The following TAF1B variants were observed in gnomAD, a reference collection of about 807,000 sequenced individuals.
TAF1B encodes TATA-box binding protein associated factor, RNA polymerase I subunit B.
Under a neutral mutation model 83.9 loss-of-function variants are expected in TAF1B, and 61 were observed. That is an observed-to-expected ratio of 0.73 (90% confidence interval 0.59 to 0.90). The LOEUF (loss-of-function observed/expected upper bound fraction) is 0.90, where lower values mean the gene tolerates loss of function less well. Ranked by LOEUF, TAF1B falls within the 40% of genes least tolerant of loss-of-function variation. TAF1B has a pLI of 0.00. For synonymous variants in TAF1B, 221 were observed against 224.6 expected (o/e 0.98, Z 0.14); for missense variants, 625 against 677.0 (o/e 0.92, Z 0.85).
chr2:9,921,186 G>C (rs1665867610), intron 14 of TAF1B, among the ~76,000 whole-genome samples: 1 of 152,138 alleles, frequency 6.6e-6, no homozygotes, highest in Non-Finnish European at 1.5e-5. Flanking sequence ...CAACTTCCTA[G>C]GCTCAAGCAA....
chr2:9,865,156 G>T (rs533808300), intron 5 of TAF1B, among the ~76,000 whole-genome samples: 1 of 152,278 alleles, frequency 6.6e-6, no homozygotes, highest in African/African-American at 2.4e-5. Context: ...AATTGTCCCT[G>T]TTTGCAGATG....
intron 5 of TAF1B, among the ~76,000 whole-genome samples, chr2:9,864,821 A>G (rs1056864116): frequency 1.4e-4 from 21 of 152,196 alleles, no homozygotes; most frequent in Non-Finnish European, 3.1e-4. Context: ...GCATATAAAC[A>G]GAACCAAAGA....
At chr2:9,846,292 A>G (rs1663205733) in intron 2 of TAF1B, 2 of 364,396 alleles carry the variant, frequency 5.5e-6, no homozygotes, top group East Asian at 7.3e-5. Context: ...CTACCTTCAC[A>G]TTGTGAGTGC....
chr2:9,926,329 G>A (rs981886981), intron 14 of TAF1B, among the ~76,000 whole-genome samples: 1 of 152,124 alleles, frequency 6.6e-6, no homozygotes, highest in African/African-American at 2.4e-5. Context: ...TATATTGCAA[G>A]TGGTTGACAT....
chr2:9,916,446 C>T lies in TAF1B; in HGVS notation c.1272-2595C>T, dbSNP rs190458737. The stretch of plus-strand genomic sequence containing the variant: ...CTTTCCCATTCTTGGGGCATATCAC[C>T]CCAAGGGCATCATAATGCTTTCTTG... On this transcript the variant is annotated intron_variant, in intron 12 of 14. Transcript: ENST00000263663. 2.6e-4 allele frequency among the ~76,000 whole-genome samples: 40 copies of T among 152,156 alleles called. 1 individual carries two copies. Among genetic ancestry groups the T allele is most frequent in the African/African-American group, 9.2e-4 (38 of 41,514 alleles).
chr2:9,882,807 T>A lies in TAF1B; in HGVS notation c.807+2T>A, dbSNP rs1405099274. ...GACAGAGGAATCTTTGGTATAGAGG[T>A]AAGTTATTTTCTTTTTTACTTTCTA... On this transcript the variant is annotated splice_donor_variant, in intron 8 of 14. Transcript: ENST00000263663. LOFTEE classifies it high-confidence loss of function. The A allele has an allele frequency of 6.3e-7, 1 of 1,585,500 alleles. No homozygotes were observed. Among genetic ancestry groups the A allele is most frequent in the Non-Finnish European group, 8.6e-7 (1 of 1,165,654 alleles).
chr2:9,903,795 CTGAT>C (rs1259153893), intron 8 of TAF1B, among the ~76,000 whole-genome samples: 2 of 152,138 alleles, frequency 1.3e-5, no homozygotes, highest in Non-Finnish European at 2.9e-5. Flanking sequence ...CATTATAACT[CTGAT>C]TGGGTTGTAG....
chr2:9,856,664 C>T (rs1162859574), intron 5 of TAF1B, among the ~76,000 whole-genome samples: 1 of 152,020 alleles, frequency 6.6e-6, no homozygotes, highest in Non-Finnish European at 1.5e-5. Flanking sequence ...ACCTGGGATT[C>T]TCTGACATTT....
At chr2:9,916,653 A>C (rs1032308538) in intron 12 of TAF1B, among the ~76,000 whole-genome samples, 1 of 152,190 alleles carries the variant, frequency 6.6e-6, no homozygotes, top group African/African-American at 2.4e-5. Context: ...ATGGCAAAAA[A>C]ATATATTTTA....
intron 9 of TAF1B, among the ~76,000 whole-genome samples, chr2:9,907,543 C>G (rs1367387): frequency 0.44 from 66,748 of 151,792 alleles, 16,736 homozygotes; most frequent in Non-Finnish European, 0.58. Flanking sequence ...TCGGGGAAAG[C>G]TTTCGGCAAG....
chr2:9,919,240 C>T (rs1410176248), intron 13 of TAF1B, 129 bp downstream of exon 13: 1 of 719,948 alleles, frequency 1.4e-6, no homozygotes, highest in South Asian at 1.8e-5. Flanking sequence ...GGCACATGTA[C>T]ATCCAAAGGA....
rs448327 is a variant in TAF1B, at chr2:9,905,018, A to G, written c.955+12A>G. On this transcript the variant is annotated intron_variant, in intron 9 of 14. Transcript: ENST00000263663. ...AGTCAACCTCCCTGGTAAGTGTGTGACATATATTGTGGGGACACTTTAACT... is the reference window on the plus strand; with the variant it reads ...AGTCAACCTCCCTGGTAAGTGTGTGGCATATATTGTGGGGACACTTTAACT... 0.99 allele frequency: 1,591,624 copies of G among 1,608,754 alleles called. 788,646 individuals carry two copies. The highest frequency in any genetic ancestry group is 1 in the East Asian group (44,808 of 44,808).
intron 5 of TAF1B, among the ~76,000 whole-genome samples, chr2:9,861,265 G>T (rs937923745): frequency 6.6e-6 from 1 of 152,218 alleles, no homozygotes. Context: ...TGCGCTTTTC[G>T]AACGGGCTTA....
At chr2:9,868,787 A>C in intron 6 of TAF1B, 1 of 450,544 alleles carries the variant, frequency 2.2e-6, no homozygotes, top group Non-Finnish European at 4.5e-6. Context: ...ATATAGTAAA[A>C]TAGACAAAGA....
intron 7 of TAF1B, among the ~76,000 whole-genome samples, chr2:9,881,452 C>T (rs1296550784): frequency 6.6e-6 from 1 of 152,092 alleles, no homozygotes; most frequent in East Asian, 1.9e-4. Flanking sequence ...GTCTTTAGCT[C>T]ACTTTCCTTA....
At chr2:9,907,362 A>G (rs189859380) in intron 9 of TAF1B, among the ~76,000 whole-genome samples, 41 of 152,236 alleles carry the variant, frequency 2.7e-4, no homozygotes, top group Admixed American at 1.1e-3. Flanking sequence ...GCTCTCGGTA[A>G]TGCCGTCAGT....
intron 7 of TAF1B, among the ~76,000 whole-genome samples, chr2:9,881,040 A>C (rs1416593509): frequency 6.6e-6 from 1 of 152,128 alleles, no homozygotes; most frequent in African/African-American, 2.4e-5. Flanking sequence ...TTTTAATTGA[A>C]ATTAAATTTG....
rs1491386877 is a variant in TAF1B, at chr2:9,850,027, A to ATATG, written c.205+568_205+569insATGT. On this transcript the variant is annotated intron_variant, in intron 3 of 14. Coordinates refer to ENST00000263663, the MANE Select transcript of TAF1B (RefSeq NM_005680.3). ...CACACATTAAAAAATATATATATATATGTGTGTGTGTGTGTGTGTGTGTGT... is the reference window on the plus strand; with the variant it reads ...CACACATTAAAAAATATATATATATATATGTGTGTGTGTGTGTGTGTGTGTGTGT... 3.6e-3 allele frequency among the ~76,000 whole-genome samples: 444 copies of ATATG among 123,614 alleles called. 1 individual carries two copies. Among genetic ancestry groups the ATATG allele is most frequent in the African/African-American group, 0.011 (429 of 38,678 alleles). 81.1% of individuals were successfully genotyped at this position (123,614 alleles called of 152,430 possible). A position where few individuals can be genotyped will look rare whatever the true frequency, so the allele number is the denominator to read the frequency against.
intron 5 of TAF1B, among the ~76,000 whole-genome samples, chr2:9,858,838 A>G (rs287997): frequency 0.2 from 30,935 of 152,226 alleles, 4,014 homozygotes; most frequent in Non-Finnish European, 0.29. Context: ...GCACAAAGTA[A>G]CTGAGCCCTG....
Sources: gnomAD v4.1 joint callset for allele counts (sites outside exome capture counted in the v4.1 genomes callset) on GRCh38, gnomAD v4.1.1 for gene constraint, MANE v1.5 for transcripts, NCBI Gene and HGNC (gene_info 2026-07-23, HGNC 2026-07-21) for gene names.